MTNAP1: variants seen among roughly 807,000 people sequenced by gnomAD.
The protein encoded by MTNAP1 is mitochondrial nucleoid-associated protein 1.
At chr17:73,233,174 C>T in the MTNAP1 span, 3 of 152,202 alleles carry the variant, frequency 2.0e-5, no homozygotes, top group African/African-American at 4.8e-5. Context: ...CGCGTTTACT[C>T]ACTGTGCATG....
chr17:73,235,554 C>A, the MTNAP1 span: 1 of 1,614,090 alleles, frequency 6.2e-7, no homozygotes, highest in Non-Finnish European at 8.5e-7. Flanking sequence ...TAAAATCCCA[C>A]TTGCCATACT....
At chr17:73,248,357 C>T in the MTNAP1 span, 8 of 780,896 alleles carry the variant, frequency 1.0e-5, no homozygotes, top group African/African-American at 3.5e-5. Flanking sequence ...AGAAAAAGAA[C>T]GTCTCTAACA....
the MTNAP1 span, chr17:73,236,974 C>T: frequency 4.4e-6 from 7 of 1,580,916 alleles, no homozygotes; most frequent in Non-Finnish European, 6.0e-6. Context: ...TATCAGTCCC[C>T]AGGGGGAAAG....
At chr17:73,241,351 G>A in the MTNAP1 span, among the ~76,000 whole-genome samples, 3 of 151,946 alleles carry the variant, frequency 2.0e-5, no homozygotes, top group African/African-American at 4.8e-5. Flanking sequence ...GTAGAGACGG[G>A]GTTTTACAGT....
At chr17:73,238,369 A>C in the MTNAP1 span, among the ~76,000 whole-genome samples, 1 of 152,188 alleles carries the variant, frequency 6.6e-6, no homozygotes. Flanking sequence ...AACTCAGAAT[A>C]GGTTTGCAAG....
the MTNAP1 span, chr17:73,236,125 G>A: frequency 1.9e-6 from 3 of 1,614,076 alleles, no homozygotes; most frequent in Non-Finnish European, 2.5e-6. Context: ...CCAAAGACAG[G>A]AACTTCTAGT....
At chr17:73,243,505 A>G in the MTNAP1 span, among the ~76,000 whole-genome samples, 1 of 148,416 alleles carries the variant, frequency 6.7e-6, no homozygotes, top group African/African-American at 2.5e-5. Context: ...ATAAGATTTG[A>G]CTAGAATTTA....
the MTNAP1 span, among the ~76,000 whole-genome samples, chr17:73,240,369 T>C: frequency 6.6e-6 from 1 of 152,210 alleles, no homozygotes; most frequent in Non-Finnish European, 1.5e-5. Context: ...CCAGGATCAG[T>C]GTTCAGACTT....
chr17:73,244,759 T>A, the MTNAP1 span: 1 of 158,536 alleles, frequency 6.3e-6, no homozygotes, highest in Non-Finnish European at 1.4e-5. Flanking sequence ...ATGAAATCAG[T>A]GCCTAGTGAG....
At chr17:73,240,684 T>A in the MTNAP1 span, among the ~76,000 whole-genome samples, 1 of 152,210 alleles carries the variant, frequency 6.6e-6, no homozygotes, top group East Asian at 1.9e-4. Flanking sequence ...CCTTTGGTAC[T>A]TAAAAGGCAG....
At chr17:73,233,468 T>C in the MTNAP1 span, 3 of 152,296 alleles carry the variant, frequency 2.0e-5, no homozygotes, top group African/African-American at 7.2e-5. Flanking sequence ...CGAAGGTCCA[T>C]GGACTGGCTT....
the MTNAP1 span, among the ~76,000 whole-genome samples, chr17:73,234,773 C>G: frequency 4.8e-5 from 7 of 146,068 alleles, no homozygotes; most frequent in East Asian, 1.0e-3. Context: ...TTATGTATAT[C>G]TGTGTGTGTG....
At chr17:73,236,471 A>G in the MTNAP1 span, 1 of 1,614,218 alleles carries the variant, frequency 6.2e-7, no homozygotes, top group Non-Finnish European at 8.5e-7. Context: ...GTCATGAGCC[A>G]TGGCTGTGAG....
chr17:73,246,521 A>T, the MTNAP1 span, among the ~76,000 whole-genome samples: 1 of 152,186 alleles, frequency 6.6e-6, no homozygotes, highest in Non-Finnish European at 1.5e-5. Context: ...GGGTGATGGA[A>T]GTGAAACCTT....
At chr17:73,244,165 GTAT>G in the MTNAP1 span, among the ~76,000 whole-genome samples, 4 of 152,064 alleles carry the variant, frequency 2.6e-5, no homozygotes, top group Non-Finnish European at 1.5e-5. Flanking sequence ...ATTTCTTATT[GTAT>G]TATTAAAAAA....
the MTNAP1 span, chr17:73,243,090 T>TTTTTTTG: frequency 3.1e-6 from 3 of 979,668 alleles, no homozygotes; most frequent in African/African-American, 3.4e-5. Context: ...TTTTTTTTTT[T>TTTTTTTG]TTTTTTTTTT....
At chr17:73,248,561 G>T in the MTNAP1 span, 1 of 1,551,016 alleles carries the variant, frequency 6.4e-7, no homozygotes, top group South Asian at 1.2e-5. Flanking sequence ...CAAATGCAGC[G>T]TGAGAATCCA....
chr17:73,248,526 C>G, the MTNAP1 span: 1 of 1,551,654 alleles, frequency 6.4e-7, no homozygotes, highest in Non-Finnish European at 8.7e-7. Context: ...AGCTTGAATT[C>G]CCGAATCTTC....
the MTNAP1 span, chr17:73,243,088 T>TGTTTG: frequency 1.0e-6 from 1 of 997,640 alleles, no homozygotes. Flanking sequence ...TTTTTTTTTT[T>TGTTTG]TTTTTTTTTT....
Sources: gnomAD v4.1 joint callset for allele counts (sites outside exome capture counted in the v4.1 genomes callset) on GRCh38, gnomAD v4.1.1 for gene constraint, MANE v1.5 for transcripts, NCBI Gene and HGNC (gene_info 2026-07-23, HGNC 2026-07-21) for gene names.